Variants in EXOC4 observed in about 807,000 individuals in gnomAD.
The protein encoded by EXOC4 is SEC8-like 1.
EXOC4 carries 71 observed loss-of-function variants against 107.2 expected under a neutral mutation model. That is an observed-to-expected ratio of 0.66 (90% CI 0.55 to 0.81). EXOC4 has a LOEUF of 0.81. Among genes scored for constraint, EXOC4 ranks in the 30% least tolerant of loss-of-function variants. The pLI, the probability that EXOC4 is intolerant of heterozygous loss-of-function variation, is 0.00. For synonymous variants in EXOC4, 456 were observed against 441.2 expected, an observed-to-expected ratio of 1.03 and a Z score of -0.42; for missense variants, 1,108 against 1,189.6, an observed-to-expected ratio of 0.93 and a Z score of 1.01.
At chr7:133,322,439 T>A (rs997995347) in intron 5 of EXOC4, among the ~76,000 whole-genome samples, 1 of 152,204 alleles carries the variant, frequency 6.6e-6, no homozygotes, top group African/African-American at 2.4e-5. Context: ...TGCATATGGC[T>A]AGTGAGTTTT....
chr7:133,847,440 G>A (rs1182645005), intron 11 of EXOC4, among the ~76,000 whole-genome samples: 3 of 150,378 alleles, frequency 2.0e-5, no homozygotes, highest in East Asian at 1.9e-4. Flanking sequence ...GTGCAGTGGC[G>A]CGGTCTCTGC....
chr7:133,312,473 C>A (rs1054011292), intron 4 of EXOC4, among the ~76,000 whole-genome samples: 1 of 152,082 alleles, frequency 6.6e-6, no homozygotes, highest in African/African-American at 2.4e-5. Context: ...GGTAGAAATT[C>A]TTTTATTTCC....
chr7:133,379,066 G>A (rs1796556706), intron 7 of EXOC4, among the ~76,000 whole-genome samples: 1 of 151,946 alleles, frequency 6.6e-6, no homozygotes, highest in South Asian at 2.1e-4. Flanking sequence ...AGTACAAAGA[G>A]CCATATACCT....
intron 10 of EXOC4, among the ~76,000 whole-genome samples, chr7:133,688,717 C>T (rs957515650): frequency 3.9e-5 from 6 of 152,084 alleles, no homozygotes. Flanking sequence ...AGGCATAGCC[C>T]TGTCGTCTAG....
intron 14 of EXOC4, among the ~76,000 whole-genome samples, chr7:133,967,646 GT>G (rs1240559051): frequency 6.6e-6 from 1 of 152,190 alleles, no homozygotes; most frequent in Non-Finnish European, 1.5e-5. Flanking sequence ...TTTTGAGTGT[GT>G]TTCTTAATCC....
chr7:133,437,166 A>G (rs955495664), intron 7 of EXOC4, among the ~76,000 whole-genome samples: 1 of 152,176 alleles, frequency 6.6e-6, no homozygotes, highest in Admixed American at 6.5e-5. Flanking sequence ...TATTTGCCCA[A>G]ATTAATATTT....
At chr7:133,917,278 C>T (rs1052658649) in intron 12 of EXOC4, among the ~76,000 whole-genome samples, 1 of 151,998 alleles carries the variant, frequency 6.6e-6, no homozygotes, top group Non-Finnish European at 1.5e-5. Flanking sequence ...CTTAAAAGGT[C>T]CCCCCCAAAA....
the EXOC4 span, among the ~76,000 whole-genome samples, chr7:134,074,090 G>A: frequency 6.6e-6 from 1 of 152,180 alleles, no homozygotes; most frequent in East Asian, 1.9e-4. Flanking sequence ...TGAGCTGGAT[G>A]TCGTGGAGCT....
At chr7:133,596,436 C>T (rs141213697) in intron 9 of EXOC4, among the ~76,000 whole-genome samples, 18 of 152,300 alleles carry the variant, frequency 1.2e-4, no homozygotes, top group African/African-American at 4.3e-4. Context: ...TTTAAACTCC[C>T]GTTCTTTATC....
chr7:133,431,228 GAC>G (rs1482563613), intron 7 of EXOC4, among the ~76,000 whole-genome samples: 4 of 152,136 alleles, frequency 2.6e-5, no homozygotes, highest in African/African-American at 9.7e-5. Context: ...AGAATTTTCT[GAC>G]AGTTTTATAG....
intron 5 of EXOC4, among the ~76,000 whole-genome samples, chr7:133,352,513 C>T (rs979275175): frequency 5.3e-5 from 8 of 151,826 alleles, no homozygotes; most frequent in African/African-American, 1.9e-4. Context: ...CAGCCTTTTA[C>T]TTTCAGCCTA....
At chr7:133,676,957 A>G (rs2345945) in intron 10 of EXOC4, among the ~76,000 whole-genome samples, 109,158 of 134,574 alleles carry the variant, frequency 0.81, 42,203 homozygotes, top group East Asian at 0.92. Context: ...GTGTGTGTGT[A>G]TGTGTGTGTG....
rs545303288 is a variant in EXOC4 at position 133,704,294 on chromosome 7, C to T, written c.1514+74153C>T. Among the ~76,000 whole-genome samples, 11 of 152,068 alleles carry T rather than the reference C, an allele frequency of 7.2e-5. 1 individual carries two copies. The highest frequency in any genetic ancestry group is 5.2e-4 in the Admixed American group (8 of 15,260). ...CTTTATGCAGTGTTTTTGTATTTTT[C>T]GTTAACTTTGTTTATCACTTTCAGC... On this transcript the variant is annotated intron_variant, in intron 10 of 17. Transcript: ENST00000253861.
At chr7:133,786,808 A>G in intron 10 of EXOC4, among the ~76,000 whole-genome samples, 1 of 152,346 alleles carries the variant, frequency 6.6e-6, no homozygotes, top group East Asian at 1.9e-4. Context: ...AGTATCTCAT[A>G]TTAAATGTTT....
chr7:133,913,829 A>G (rs1200161010), intron 12 of EXOC4, among the ~76,000 whole-genome samples: 1 of 152,208 alleles, frequency 6.6e-6, no homozygotes, highest in Non-Finnish European at 1.5e-5. Flanking sequence ...GCTGTGCAAG[A>G]AGATGAGACT....
intron 10 of EXOC4, among the ~76,000 whole-genome samples, chr7:133,707,390 CAAAAGAAAAT>C (rs1284721990): frequency 6.7e-6 from 1 of 148,226 alleles, no homozygotes; most frequent in Non-Finnish European, 1.5e-5. Flanking sequence ...ATTGACATAT[CAAAAGAAAAT>C]AAAAGATGAT....
chr7:133,646,992 G>A (rs987668241), intron 10 of EXOC4, among the ~76,000 whole-genome samples: 4 of 152,110 alleles, frequency 2.6e-5, no homozygotes, highest in South Asian at 2.1e-4. Context: ...GCATTTTCAC[G>A]GCCAACTCCA....
At chr7:133,797,901 A>G (rs1209110369) in intron 10 of EXOC4, among the ~76,000 whole-genome samples, 1 of 152,222 alleles carries the variant, frequency 6.6e-6, no homozygotes, top group Non-Finnish European at 1.5e-5. Context: ...CAGTAAGGCA[A>G]ATGAAAAGTA....
chr7:133,997,792 T>C (rs1794432707), intron 15 of EXOC4, among the ~76,000 whole-genome samples, 159 bp downstream of exon 15: 5 of 152,144 alleles, frequency 3.3e-5, no homozygotes. Context: ...TCAGTGATTA[T>C]TTGAGCGCAC....
Sources: gnomAD v4.1 joint callset for allele counts (sites outside exome capture counted in the v4.1 genomes callset) on GRCh38, gnomAD v4.1.1 for gene constraint, MANE v1.5 for transcripts, NCBI Gene and HGNC (gene_info 2026-07-23, HGNC 2026-07-21) for gene names.